WT1: variants seen among roughly 807,000 people sequenced by gnomAD.
The protein encoded by WT1 is Wilms tumor protein.
In WT1, 8 loss-of-function variants were observed where a neutral mutation model predicts 60.8. The observed-to-expected ratio is 0.13, with a 90% CI of 0.08 to 0.24. The LOEUF (loss-of-function observed/expected upper bound fraction) is 0.24. Among genes scored for constraint, WT1 ranks in the 10% least tolerant of loss-of-function variants. WT1 has a pLI of 1.00. For missense variants in WT1, 568 were observed against 711.8 expected, an observed-to-expected ratio of 0.80 and a Z score of 2.30; for synonymous variants, 312 against 297.1, an observed-to-expected ratio of 1.05 and a Z score of -0.52.
At chr11:32,424,984 C>G (rs1338073617) in intron 3 of WT1, among the ~76,000 whole-genome samples, 1 of 152,114 alleles carries the variant, frequency 6.6e-6, no homozygotes, top group Admixed American at 6.6e-5. Context: ...TTGAGACCAA[C>G]CTGGCCAACA....
chr11:32,407,493 G>A (rs1209913078), intron 5 of WT1, among the ~76,000 whole-genome samples: 1 of 152,178 alleles, frequency 6.6e-6, no homozygotes, highest in Non-Finnish European at 1.5e-5. Context: ...ATTTCGGCCT[G>A]TCATTTCTCT....
At chr11:32,421,208 G>A (rs147101720) in intron 3 of WT1, among the ~76,000 whole-genome samples, 70 of 152,306 alleles carry the variant, frequency 4.6e-4, no homozygotes, top group African/African-American at 1.7e-3. Flanking sequence ...TCAACACCCA[G>A]CTCTCATCAT....
In WT1 at chr11:32,388,622, C is replaced by G; in HGVS notation, c.*436G>C. On this transcript the variant is annotated 3_prime_UTR_variant, in exon 10 of 10. Coordinates refer to ENST00000452863, the MANE Select transcript of WT1 (RefSeq NM_024426.6). ...TGCTGTTGCTGTTAGTAAATGGAAA[C>G]CATGACAAAGTTTACATTAGCAGAC... 1 of 254,878 alleles carries G rather than the reference C, an allele frequency of 3.9e-6. No individual in the cohort carries two copies. Among genetic ancestry groups the G allele is most frequent in the East Asian group, 5.5e-5 (1 of 18,256 alleles). The allele number at this position is 254,878 out of a possible 1,614,324, so 15.8% of individuals were successfully genotyped here. A position where few individuals can be genotyped will look rare whatever the true frequency, so the allele number is the denominator to read the frequency against.
chr11:32,425,180 GA>G (rs10540778), intron 3 of WT1, among the ~76,000 whole-genome samples: 51,126 of 119,860 alleles, frequency 0.43, 9,419 homozygotes, highest in Non-Finnish European at 0.46. Flanking sequence ...GTCTCGAAAA[GA>G]AAAAAAAAAA....
intron 1 of WT1, among the ~76,000 whole-genome samples, chr11:32,432,408 C>A (rs1024654631): frequency 6.6e-6 from 1 of 152,210 alleles, no homozygotes; most frequent in African/African-American, 2.4e-5. Context: ...CCCAGAATCT[C>A]GAGGGCCACC....
intron 5 of WT1, among the ~76,000 whole-genome samples, chr11:32,408,540 AAAAG>A (rs1564981665): frequency 5.8e-5 from 8 of 137,348 alleles, no homozygotes; most frequent in South Asian, 2.4e-4. Flanking sequence ...AAAAAAAAAA[AAAAG>A]AAAGAAAGAA....
At chr11:32,434,042 C>G (rs186594583) in intron 1 of WT1, among the ~76,000 whole-genome samples, 1 of 152,030 alleles carries the variant, frequency 6.6e-6, no homozygotes, top group East Asian at 2.0e-4. Flanking sequence ...TGAGCGAAGC[C>G]CAGTGAAGAT....
intron 5 of WT1, among the ~76,000 whole-genome samples, chr11:32,406,036 G>A (rs972290656): frequency 2.0e-5 from 3 of 152,222 alleles, no homozygotes; most frequent in African/African-American, 7.2e-5. Context: ...GTGAACTGGG[G>A]TAGAGGGAAA....
chr11:32,393,298 G>C (rs1851871107), intron 7 of WT1, among the ~76,000 whole-genome samples: 1 of 152,150 alleles, frequency 6.6e-6, no homozygotes, highest in South Asian at 2.1e-4. Context: ...ATGGTTGTGA[G>C]ACCCTCAAAA....
At chr11:32,399,896 T>G (rs2132955931) in intron 6 of WT1, 52 bp downstream of exon 6, 8 of 1,591,140 alleles carry the variant, frequency 5.0e-6, no homozygotes, top group Non-Finnish European at 6.9e-6. Flanking sequence ...GGCCGGTAAG[T>G]AGGAAGAGGC....
In WT1 at chr11:32,396,375, A is replaced by T. The variant is rs371168589; in HGVS notation, c.1146T>A (p.Thr382=). ...TGGTCTCAGATGCCGACCGTACAAG[A>T]GTCGGGGCTACTCCAGGCACACGTC... The change falls in exon 7 of 10, where the codon ACT becomes ACA. Residue 382 remains threonine, a synonymous_variant. Transcript: ENST00000452863. The T allele has an allele frequency of 5.7e-5, 92 of 1,614,030 alleles. No homozygotes were observed. Among genetic ancestry groups the T allele is most frequent in the Non-Finnish European group, 7.7e-5 (91 of 1,180,054 alleles).
Position 32,428,030 on chromosome 11 carries a change from C to G in WT1, c.813G>C (p.Pro271=), listed in dbSNP as rs1341857958. The G allele has an allele frequency of 6.2e-6, 10 of 1,609,666 alleles. No homozygotes were observed. In the African/African-American group the frequency reaches 1.1e-4, roughly 17 times the overall value. ...CGGTGGGGGTGTGGCAGCCATAGAC[C>G]GGGGGCGGCACCGAGTACTGCTGCT... The change falls in exon 3 of 10, where the codon CCG becomes CCC. Residue 271 remains proline, a synonymous_variant. Coordinates refer to ENST00000452863, the MANE Select transcript of WT1 (RefSeq NM_024426.6).
intron 5 of WT1, among the ~76,000 whole-genome samples, chr11:32,413,879 C>T (rs1852580965): frequency 6.6e-6 from 1 of 152,182 alleles, no homozygotes. Context: ...CTGATTCCAA[C>T]ATGGCTCTGC....
intron 5 of WT1, among the ~76,000 whole-genome samples, chr11:32,407,429 A>G (rs1852348234): frequency 6.6e-6 from 1 of 152,202 alleles, no homozygotes; most frequent in South Asian, 2.1e-4. Context: ...GAGAGAAAAG[A>G]AAAAGAGCCT....
chr11:32,404,177 G>A (rs943686473), intron 5 of WT1, among the ~76,000 whole-genome samples: 34 of 150,844 alleles, frequency 2.3e-4, no homozygotes, highest in South Asian at 8.4e-4. Context: ...GGCTGAGGCA[G>A]GAGAATCGCT....
At chr11:32,433,953 G>A (rs1853395283) in intron 1 of WT1, among the ~76,000 whole-genome samples, 1 of 152,238 alleles carries the variant, frequency 6.6e-6, no homozygotes, top group Non-Finnish European at 1.5e-5. Context: ...CACTGCCTGC[G>A]GTAGAACCTG....
At chr11:32,413,034 T>A (rs931538386) in intron 5 of WT1, among the ~76,000 whole-genome samples, 2 of 152,180 alleles carry the variant, frequency 1.3e-5, no homozygotes, top group African/African-American at 4.8e-5. Flanking sequence ...GTGGACTTGC[T>A]TGGGATACAA....
chr11:32,423,028 G>A (rs1476485717), intron 3 of WT1, among the ~76,000 whole-genome samples: 8 of 152,302 alleles, frequency 5.3e-5, no homozygotes, highest in South Asian at 2.1e-4. Context: ...TGGGGTCTCC[G>A]AGGAAGTCAG....
intron 1 of WT1, chr11:32,428,877 C>T (rs1308483129): frequency 5.3e-6 from 3 of 563,724 alleles, no homozygotes; most frequent in Non-Finnish European, 9.6e-6. Context: ...TTTATTTATG[C>T]CGCAGTCTTC....
Sources: gnomAD v4.1 joint callset for allele counts (sites outside exome capture counted in the v4.1 genomes callset) on GRCh38, gnomAD v4.1.1 for gene constraint, MANE v1.5 for transcripts, NCBI Gene and HGNC (gene_info 2026-07-23, HGNC 2026-07-21) for gene names.